Variants in ADGRL2 observed in about 807,000 individuals in gnomAD.
ADGRL2 encodes adhesion G protein-coupled receptor L2.
Under a neutral mutation model 157.4 loss-of-function variants are expected in ADGRL2, and 44 were observed. The ratio of observed to expected loss-of-function variants is 0.28; its 90% CI spans 0.22 to 0.36. The LOEUF (loss-of-function observed/expected upper bound fraction) is 0.36, where lower values mean the gene tolerates loss of function less well. ADGRL2 is among the 10% of genes least tolerant of loss of function. The pLI, the probability that ADGRL2 is intolerant of heterozygous loss-of-function variation, is 1.00. For missense variants in ADGRL2, 1,510 were observed against 1,768.9 expected (o/e 0.85, Z 2.63); for synonymous variants, 585 against 624.7 (o/e 0.94, Z 0.95).
chr1:81,890,990 G>A (rs1207291269), intron 2 of ADGRL2, among the ~76,000 whole-genome samples: 1 of 152,030 alleles, frequency 6.6e-6, no homozygotes, highest in Admixed American at 6.6e-5. Flanking sequence ...ATCTTCATTA[G>A]CTCTCTTATT....
intron 2 of ADGRL2, among the ~76,000 whole-genome samples, chr1:81,493,109 T>C (rs2078666250): frequency 6.6e-6 from 1 of 152,174 alleles, no homozygotes. Context: ...TGTATCTAAA[T>C]GTGATATAGT....
chr1:81,512,085 A>G (rs2079090016), intron 2 of ADGRL2, among the ~76,000 whole-genome samples: 1 of 152,184 alleles, frequency 6.6e-6, no homozygotes, highest in Admixed American at 6.5e-5. Context: ...AAACACGTCT[A>G]CATTTTAATA....
chr1:81,618,588 A>G (rs2081716113), intron 3 of ADGRL2, among the ~76,000 whole-genome samples: 1 of 152,208 alleles, frequency 6.6e-6, no homozygotes, highest in South Asian at 2.1e-4. Context: ...TCCCTCCTGG[A>G]TCTATCAAGT....
chr1:81,341,530 C>G (rs1302005159), intron 1 of ADGRL2, among the ~76,000 whole-genome samples: 8 of 151,402 alleles, frequency 5.3e-5, no homozygotes, highest in Non-Finnish European at 5.9e-5. Flanking sequence ...GAATGTTTTT[C>G]TTCAAACATC....
At chr1:81,720,184 CT>C (rs112579932) in intron 1 of ADGRL2, among the ~76,000 whole-genome samples, 14,431 of 121,826 alleles carry the variant, frequency 0.12, 690 homozygotes, top group African/African-American at 0.16. Flanking sequence ...TTTTTCTTTT[CT>C]TTTTTTTTTT....
intron 1 of ADGRL2, among the ~76,000 whole-genome samples, chr1:81,705,981 C>T (rs975855919): frequency 2.6e-5 from 4 of 151,956 alleles, no homozygotes; most frequent in South Asian, 2.1e-4. Flanking sequence ...GAGGCCAAGG[C>T]GGGCGGATCA....
At chr1:81,382,100 C>T (rs111760962) in intron 1 of ADGRL2, among the ~76,000 whole-genome samples, 16 of 152,240 alleles carry the variant, frequency 1.1e-4, no homozygotes, top group African/African-American at 3.6e-4. Flanking sequence ...CCCTTCTGTG[C>T]TTCGAGGTTC....
chr1:81,908,681 G>T (rs2094639311), intron 3 of ADGRL2, among the ~76,000 whole-genome samples: 1 of 152,032 alleles, frequency 6.6e-6, no homozygotes, highest in Admixed American at 6.6e-5. Context: ...ATTTCTACCA[G>T]CAATGAATAG....
intron 2 of ADGRL2, chr1:81,501,654 C>T (rs868001663): frequency 7.2e-7 from 1 of 1,388,170 alleles, no homozygotes. Context: ...TGAGCGGCCG[C>T]CTCCTCCGCC....
At position 81,568,773 on chromosome 1, in the gene ADGRL2, A is replaced by G. The variant is rs142584946; in HGVS notation, c.-247-12103A>G. On this transcript the variant is annotated intron_variant, in intron 2 of 24. Transcript: ENST00000370721. ...ATAAGTATGGTTTAGGCTTTAGCAA[A>G]TTAAACCAAAAACTGAATTATTCAA... Among the ~76,000 whole-genome samples, 63 of 152,296 alleles carry G rather than the reference A, an allele frequency of 4.1e-4. 1 individual carries two copies. The highest frequency in any genetic ancestry group is 7.8e-4 in the Non-Finnish European group (53 of 68,014).
chr1:81,648,242 T>A (rs1384703317), intron 3 of ADGRL2, among the ~76,000 whole-genome samples: 2 of 152,200 alleles, frequency 1.3e-5, no homozygotes, highest in Non-Finnish European at 2.9e-5. Flanking sequence ...CAGCAGTGAC[T>A]GTTTCATGCC....
At chr1:81,953,107 G>A in intron 10 of ADGRL2, 82 bp downstream of exon 10, 1 of 1,192,308 alleles carries the variant, frequency 8.4e-7, no homozygotes, top group Non-Finnish European at 1.2e-6. Flanking sequence ...ATGATCCAAT[G>A]TATTTCAGTC....
At chr1:81,786,702 T>G (rs2087065258) in intron 2 of ADGRL2, among the ~76,000 whole-genome samples, 1 of 152,240 alleles carries the variant, frequency 6.6e-6, no homozygotes, top group African/African-American at 2.4e-5. Context: ...TAAACATATC[T>G]GGGGCCATCA....
intron 3 of ADGRL2, among the ~76,000 whole-genome samples, chr1:81,919,261 A>G (rs1249293473): frequency 2.6e-5 from 4 of 152,174 alleles, no homozygotes; most frequent in African/African-American, 9.6e-5. Context: ...GCTTTGAGCT[A>G]GAATAACCCA....
chr1:81,538,395 T>C (rs2148303918), intron 2 of ADGRL2, among the ~76,000 whole-genome samples: 1 of 152,290 alleles, frequency 6.6e-6, no homozygotes, highest in East Asian at 1.9e-4. Flanking sequence ...CCATGGCTGC[T>C]CTGGCTCCAG....
intron 2 of ADGRL2, among the ~76,000 whole-genome samples, chr1:81,843,615 T>C (rs1424501584): frequency 6.6e-6 from 1 of 152,204 alleles, no homozygotes; most frequent in Non-Finnish European, 1.5e-5. Flanking sequence ...GATGTTGTTA[T>C]CTTCTCTTGC....
intron 2 of ADGRL2, among the ~76,000 whole-genome samples, chr1:81,545,373 G>A (rs748538103): frequency 3.3e-5 from 5 of 150,420 alleles, no homozygotes; most frequent in African/African-American, 9.8e-5. Flanking sequence ...TGCAACCTCC[G>A]CCTCCCAGGT....
chr1:81,718,132 G>A (rs1017151167), intron 1 of ADGRL2, among the ~76,000 whole-genome samples: 1 of 152,086 alleles, frequency 6.6e-6, no homozygotes, highest in African/African-American at 2.4e-5. Context: ...TGATTCTCCT[G>A]CCTCAGCCTC....
At chr1:81,733,126 T>C (rs1222036193) in intron 1 of ADGRL2, among the ~76,000 whole-genome samples, 4 of 152,206 alleles carry the variant, frequency 2.6e-5, no homozygotes, top group Non-Finnish European at 5.9e-5. Flanking sequence ...GGCTGATGCA[T>C]GAGGTAGTAT....
Sources: gnomAD v4.1 joint callset for allele counts (sites outside exome capture counted in the v4.1 genomes callset) on GRCh38, gnomAD v4.1.1 for gene constraint, MANE v1.5 for transcripts, NCBI Gene and HGNC (gene_info 2026-07-23, HGNC 2026-07-21) for gene names.